PITPNC1: variants seen among roughly 807,000 people sequenced by gnomAD.
The protein encoded by PITPNC1 is cytoplasmic phosphatidylinositol transfer protein 1.
Under a neutral mutation model 44.7 loss-of-function variants are expected in PITPNC1, and 18 were observed. The observed-to-expected ratio is 0.40, with a 90% CI of 0.28 to 0.60. The LOEUF is 0.60. Ranked by LOEUF, PITPNC1 falls within the 20% of genes least tolerant of loss-of-function variation. PITPNC1 has a pLI of 0.39. For synonymous variants in PITPNC1, 141 were observed against 149.6 expected, an observed-to-expected ratio of 0.94 and a Z score of 0.42; for missense variants, 290 against 418.4, an observed-to-expected ratio of 0.69 and a Z score of 2.68.
At chr17:67,593,936 T>A (rs79351600) in intron 5 of PITPNC1, among the ~76,000 whole-genome samples, 2,101 of 152,322 alleles carry the variant, frequency 0.014, 52 homozygotes, top group African/African-American at 0.048. Context: ...TTTATTTACC[T>A]AGAGCTTTGT....
At chr17:67,443,914 C>A (rs1428626523) in intron 1 of PITPNC1, among the ~76,000 whole-genome samples, 1 of 152,000 alleles carries the variant, frequency 6.6e-6, no homozygotes, top group African/African-American at 2.4e-5. Context: ...GGATTACAGG[C>A]GTGAGTCACT....
Position 67,378,018 on chromosome 17 carries a change from C to T in PITPNC1, c.-137C>T. On this transcript the variant is annotated 5_prime_UTR_variant, in exon 1 of 9. Coordinates refer to ENST00000581322, the MANE Select transcript of PITPNC1 (RefSeq NM_012417.4). ...GGAGAGGAGGAAGCCAGGAGCTGAG[C>T]GCGCCGCGGGGGCTGCTTCGCCCTC... is the stretch of plus-strand genomic sequence containing the variant. 2.1e-6 allele frequency: 1 copy of T among 471,236 alleles called. No homozygotes were observed. The highest frequency in any genetic ancestry group is 3.6e-6 in the Non-Finnish European group (1 of 275,028). 29.2% of individuals were successfully genotyped at this position (471,236 alleles called of 1,614,324 possible).
At chr17:67,512,112 G>T (rs1329478792) in intron 1 of PITPNC1, among the ~76,000 whole-genome samples, 1 of 152,174 alleles carries the variant, frequency 6.6e-6, no homozygotes, top group Non-Finnish European at 1.5e-5. Context: ...GTCCAGCTCA[G>T]AACTTGGGGT....
At chr17:67,496,889 T>C (rs2144058965) in intron 1 of PITPNC1, among the ~76,000 whole-genome samples, 1 of 152,186 alleles carries the variant, frequency 6.6e-6, no homozygotes, top group African/African-American at 2.4e-5. Flanking sequence ...AATTCTGCCC[T>C]TCTCTGCAGA....
At chr17:67,531,241 TCAAA>T (rs2040457291) in intron 1 of PITPNC1, among the ~76,000 whole-genome samples, 1 of 152,196 alleles carries the variant, frequency 6.6e-6, no homozygotes, top group African/African-American at 2.4e-5. Flanking sequence ...AGACCCTGTC[TCAAA>T]CAAACAAAAA....
At chr17:67,426,539 A>C (rs1333884316) in intron 1 of PITPNC1, among the ~76,000 whole-genome samples, 1 of 151,834 alleles carries the variant, frequency 6.6e-6, no homozygotes, top group East Asian at 1.9e-4. Context: ...GTTCTCACTC[A>C]TAAGTGGGAG....
At chr17:67,458,593 A>G (rs1467670509) in intron 1 of PITPNC1, among the ~76,000 whole-genome samples, 1 of 152,070 alleles carries the variant, frequency 6.6e-6, no homozygotes, top group African/African-American at 2.4e-5. Flanking sequence ...TTTTGTCTTT[A>G]ACAGTCTAAA....
At chr17:67,417,729 C>G (rs1182079169) in intron 1 of PITPNC1, among the ~76,000 whole-genome samples, 2 of 152,134 alleles carry the variant, frequency 1.3e-5, no homozygotes, top group Admixed American at 1.3e-4. Context: ...TTCCCTCAGA[C>G]ATGGGAGCTC....
At chr17:67,681,810 T>C (rs988274836) in intron 8 of PITPNC1, among the ~76,000 whole-genome samples, 2 of 152,100 alleles carry the variant, frequency 1.3e-5, no homozygotes, top group Non-Finnish European at 2.9e-5. Context: ...GTTTTCAATA[T>C]AAAATGATAA....
At chr17:67,525,910 G>A (rs1049711848) in intron 1 of PITPNC1, among the ~76,000 whole-genome samples, 9 of 152,338 alleles carry the variant, frequency 5.9e-5, no homozygotes, top group Non-Finnish European at 1.3e-4. Flanking sequence ...GTGATTTCAC[G>A]TGAAATCAGA....
intron 1 of PITPNC1, among the ~76,000 whole-genome samples, chr17:67,528,082 C>T (rs1022849320): frequency 6.6e-6 from 1 of 152,128 alleles, no homozygotes; most frequent in Non-Finnish European, 1.5e-5. Context: ...CCCTCTGTAG[C>T]CCAGGCTGGA....
chr17:67,487,365 G>A (rs2039795159), intron 1 of PITPNC1, among the ~76,000 whole-genome samples: 1 of 151,916 alleles, frequency 6.6e-6, no homozygotes, highest in South Asian at 2.1e-4. Context: ...AGTAGAGGTG[G>A]GGCTTCACCA....
At chr17:67,607,132 G>A (rs951626255) in intron 5 of PITPNC1, among the ~76,000 whole-genome samples, 1 of 152,172 alleles carries the variant, frequency 6.6e-6, no homozygotes, top group African/African-American at 2.4e-5. Flanking sequence ...CTATCTTTTT[G>A]CCCTGCGCTG....
chr17:67,616,073 T>G (rs2041754125), intron 5 of PITPNC1, among the ~76,000 whole-genome samples: 1 of 152,094 alleles, frequency 6.6e-6, no homozygotes, highest in Non-Finnish European at 1.5e-5. Flanking sequence ...ATGAATTGAG[T>G]CATAGCATTT....
chr17:67,609,457 C>T (rs1197527489), intron 5 of PITPNC1, among the ~76,000 whole-genome samples: 1 of 151,298 alleles, frequency 6.6e-6, no homozygotes, highest in African/African-American at 2.4e-5. Flanking sequence ...GCCCGGCTAA[C>T]TTTTGTATTC....
chr17:67,466,457 AACTC>A (rs1226716743), intron 1 of PITPNC1, among the ~76,000 whole-genome samples: 4 of 152,152 alleles, frequency 2.6e-5, no homozygotes, highest in Admixed American at 2.6e-4. Flanking sequence ...TAGTAGCTGA[AACTC>A]ACAGCAACCA....
chr17:67,425,992 CAT>C (rs2143881146), intron 1 of PITPNC1, among the ~76,000 whole-genome samples: 1 of 152,336 alleles, frequency 6.6e-6, no homozygotes, highest in East Asian at 1.9e-4. Flanking sequence ...TTATTTAACA[CAT>C]AGGCCTCCCT....
intron 6 of PITPNC1, among the ~76,000 whole-genome samples, chr17:67,664,427 G>A (rs972747092): frequency 2.0e-5 from 3 of 152,166 alleles, no homozygotes; most frequent in Non-Finnish European, 2.9e-5. Context: ...CCCACCTACA[G>A]TGTATCAGCA....
At chr17:67,637,905 G>C (rs1316862045) in intron 6 of PITPNC1, 5 of 151,982 alleles carry the variant, frequency 3.3e-5, no homozygotes, top group Admixed American at 6.6e-5. Flanking sequence ...ATTTTTTTCA[G>C]GCAGAGAGAG....
Sources: allele counts gnomAD v4.1 joint callset (sites outside exome capture counted in the v4.1 genomes callset), GRCh38; gene constraint gnomAD v4.1.1; transcripts MANE v1.5; gene names NCBI Gene and HGNC (gene_info 2026-07-23, HGNC 2026-07-21).